The following ANK3 variants were observed in gnomAD, a reference collection of about 807,000 sequenced individuals.
The protein encoded by ANK3 is ankyrin 3, also known as ankyrin-3.
In ANK3, 57 loss-of-function variants were observed where a neutral mutation model predicts 370.9. That is an observed-to-expected ratio of 0.15 (90% confidence interval 0.12 to 0.19). The LOEUF (loss-of-function observed/expected upper bound fraction) is 0.19, where lower values mean the gene tolerates loss of function less well. ANK3 is among the 10% of genes least tolerant of loss of function. ANK3 has a pLI of 1.00. For synonymous variants in ANK3, 1,929 were observed against 1,946.3 expected, an observed-to-expected ratio of 0.99 and a Z score of 0.23; for missense variants, 4,439 against 5,302.1, an observed-to-expected ratio of 0.84 and a Z score of 5.06.
chr10:60,186,111 G>A (rs539273718), intron 17 of ANK3, among the ~76,000 whole-genome samples: 52 of 152,254 alleles, frequency 3.4e-4, no homozygotes, highest in South Asian at 6.2e-4. Context: ...CAAGGAGCAG[G>A]ACCCCAAACA....
chr10:60,664,558 C>A (rs2078973640), intron 1 of ANK3, among the ~76,000 whole-genome samples: 1 of 152,064 alleles, frequency 6.6e-6, no homozygotes, highest in African/African-American at 2.4e-5. Flanking sequence ...CACAGAGAAA[C>A]CAGAATAAAT....
At chr10:60,212,254 A>G (rs1336480406) in intron 9 of ANK3, among the ~76,000 whole-genome samples, 1 of 152,160 alleles carries the variant, frequency 6.6e-6, no homozygotes, top group Non-Finnish European at 1.5e-5. Context: ...GATTAATGGG[A>G]GGGTTTTTAA....
At chr10:60,092,519 A>C (rs1385422658) in intron 28 of ANK3, among the ~76,000 whole-genome samples, 1 of 152,218 alleles carries the variant, frequency 6.6e-6, no homozygotes, top group Non-Finnish European at 1.5e-5. Context: ...CCAGATTTAA[A>C]AAATGAGCCA....
In ANK3 at chr10:60,234,770, A is replaced by G. The variant is rs1461585626; in HGVS notation, c.815T>C (p.Leu272Ser). The change falls in exon 8 of 44, where the codon TTA (leucine) becomes TCA (serine). Residue 272 changes from leucine to serine, a missense_variant. This residue lies in a region of ANK3 where 227 missense variants were observed against 377.6 expected (regional missense o/e 0.60). Coordinates refer to ENST00000280772, the MANE Select transcript of ANK3 (RefSeq NM_020987.5). ...ATTTCCTCTTTTTGATGCAACATGT[A>G]AAGGAGTGATGTCATTCTGGGAAGA... ...DFTARNDITP[L>S]HVASKRGNAN... The G allele has an allele frequency of 6.2e-7, 1 of 1,610,412 alleles. No homozygotes were observed. The highest frequency in any genetic ancestry group is 1.7e-5 in the Admixed American group (1 of 59,980).
In ANK3 at chr10:60,122,886, T is replaced by C. The variant is rs374993184; in HGVS notation, c.2842-8555A>G. On this transcript the variant is annotated intron_variant, in intron 25 of 43. Transcript: ENST00000280772. The stretch of plus-strand genomic sequence containing the variant: ...GCTTTTATCAAACCAATGGAGGCCA[T>C]TCAAGAATGCATCTTATCAATGCCT... 2.0e-5 allele frequency among the ~76,000 whole-genome samples: 3 copies of C among 152,232 alleles called. No homozygotes were observed. The East Asian group carries it at 5.8e-4, about 29-fold the overall frequency.
At chr10:60,446,878 G>A (rs1282733311) in intron 2 of ANK3, among the ~76,000 whole-genome samples, 1 of 152,148 alleles carries the variant, frequency 6.6e-6, no homozygotes, top group African/African-American at 2.4e-5. Context: ...TGGAAGTGAA[G>A]CACCACTTAA....
chr10:60,681,362 G>A (rs185142993), intron 1 of ANK3, among the ~76,000 whole-genome samples: 3 of 152,226 alleles, frequency 2.0e-5, no homozygotes, highest in East Asian at 1.9e-4. Context: ...GTGCCCTTGC[G>A]AATTTTTCCA....
intron 8 of ANK3, among the ~76,000 whole-genome samples, chr10:60,225,185 T>C (rs796735724): frequency 9.2e-5 from 14 of 152,292 alleles, no homozygotes; most frequent in African/African-American, 3.4e-4. Flanking sequence ...AGTGCTAGGA[T>C]TACAGGCATG....
intron 13 of ANK3, among the ~76,000 whole-genome samples, chr10:60,199,504 A>G (rs934622776): frequency 6.6e-6 from 1 of 152,278 alleles, no homozygotes; most frequent in Non-Finnish European, 1.5e-5. Flanking sequence ...CTTACTTGAA[A>G]CTAGAGACTG....
At chr10:60,082,049 ATT>A in intron 35 of ANK3, 99 bp downstream of exon 35, 2 of 888,370 alleles carry the variant, frequency 2.3e-6, no homozygotes, top group Non-Finnish European at 3.4e-6. Context: ...GAAAAATATA[ATT>A]TATATGTTTC....
At chr10:60,302,845 A>C (rs34006498) in intron 1 of ANK3, among the ~76,000 whole-genome samples, 20,368 of 149,906 alleles carry the variant, frequency 0.14, 1,460 homozygotes, top group African/African-American at 0.15. Context: ...ACAAACAACA[A>C]AAAAAAAAAC....
upstream of ANK3, among the ~76,000 whole-genome samples, chr10:60,393,325 G>C (rs72806138): frequency 4.8e-3 from 737 of 152,196 alleles, 4 homozygotes; most frequent in Non-Finnish European, 6.2e-3. Flanking sequence ...TTGCAGCTTT[G>C]TTACTAGAAG....
intron 3 of ANK3, 88 bp downstream of exon 3, chr10:60,278,962 T>C (rs2098126929): frequency 1.3e-6 from 2 of 1,557,212 alleles, no homozygotes; most frequent in Admixed American, 1.7e-5. Flanking sequence ...AAATATCTTA[T>C]GAGATATGTG....
At chr10:60,205,579 A>C (rs1399927558) in intron 11 of ANK3, among the ~76,000 whole-genome samples, 2 of 152,192 alleles carry the variant, frequency 1.3e-5, no homozygotes, top group Non-Finnish European at 2.9e-5. Context: ...ACATTTCTTG[A>C]CATGGTGATA....
intron 21 of ANK3, among the ~76,000 whole-genome samples, chr10:60,170,834 G>C (rs2095767722): frequency 6.6e-6 from 1 of 151,960 alleles, no homozygotes; most frequent in Non-Finnish European, 1.5e-5. Context: ...TGATTTTGAA[G>C]AAAAGTTTTG....
intron 1 of ANK3, among the ~76,000 whole-genome samples, chr10:60,320,299 A>G (rs1371263544): frequency 6.6e-6 from 1 of 152,198 alleles, no homozygotes; most frequent in East Asian, 1.9e-4. Flanking sequence ...CTTGTATTCA[A>G]AAAAGCACCA....
At chr10:60,497,604 C>T (rs368864861) in intron 2 of ANK3, among the ~76,000 whole-genome samples, 1 of 152,290 alleles carries the variant, frequency 6.6e-6, no homozygotes, top group East Asian at 1.9e-4. Flanking sequence ...ACTTCCTGTA[C>T]ATGCCTCTCA....
intron 5 of ANK3, among the ~76,000 whole-genome samples, chr10:60,269,481 T>C (rs2097929875): frequency 6.6e-6 from 1 of 151,996 alleles, no homozygotes; most frequent in Non-Finnish European, 1.5e-5. Flanking sequence ...CTGTCTCTAC[T>C]AAAAGCACAA....
At chr10:60,388,643 C>G (rs2062764257) in intron 1 of ANK3, among the ~76,000 whole-genome samples, 1 of 152,040 alleles carries the variant, frequency 6.6e-6, no homozygotes, top group Admixed American at 6.6e-5. Context: ...CACCACTGAC[C>G]CAGAATATTC....
Sources: gnomAD v4.1 joint callset for allele counts (sites outside exome capture counted in the v4.1 genomes callset) on GRCh38, gnomAD v4.1.1 for gene constraint, gnomAD v4.1.1 regional missense constraint, MANE v1.5 for transcripts, NCBI Gene and HGNC (gene_info 2026-07-23, HGNC 2026-07-21) for gene names.